The following ADAMTS18 variants were observed in gnomAD, a reference collection of about 807,000 sequenced individuals.
ADAMTS18 encodes ADAM metallopeptidase with thrombospondin type 1 motif 18.
A neutral mutation model predicts 165.9 loss-of-function variants in ADAMTS18; 157 were observed. The observed-to-expected ratio is 0.95, with a 90% CI of 0.83 to 1.08. The LOEUF is 1.08. ADAMTS18 is among the 50% of genes least tolerant of loss of function. The pLI, the probability that ADAMTS18 is intolerant of heterozygous loss-of-function variation, is 0.00. For missense variants in ADAMTS18, 2,040 were observed against 1,534.0 expected (o/e 1.33, Z -5.51); for synonymous variants, 782 against 578.2 (o/e 1.35, Z -5.06).
intron 12 of ADAMTS18, among the ~76,000 whole-genome samples, chr16:77,333,514 T>G (rs990380875): frequency 7.8e-4 from 113 of 145,220 alleles, no homozygotes; most frequent in Non-Finnish European, 1.3e-3. Flanking sequence ...AATAAAACAG[T>G]GTGTTCTGTT....
At chr16:77,327,416 ATG>A (rs1301100026) in intron 12 of ADAMTS18, among the ~76,000 whole-genome samples, 1 of 152,258 alleles carries the variant, frequency 6.6e-6, no homozygotes, top group East Asian at 1.9e-4. Flanking sequence ...CCACATATGA[ATG>A]AGAACATACA....
intron 11 of ADAMTS18, among the ~76,000 whole-genome samples, chr16:77,338,535 G>A (rs1411346992): frequency 6.6e-6 from 1 of 151,928 alleles, no homozygotes; most frequent in Non-Finnish European, 1.5e-5. Context: ...CCACGTCCAG[G>A]CCCAGCATAC....
chr16:77,290,806 T>C (rs2055347192), intron 21 of ADAMTS18: 1 of 186,274 alleles, frequency 5.4e-6, no homozygotes, highest in Non-Finnish European at 1.1e-5. Flanking sequence ...TTAGGGACCA[T>C]ACTACCCCTG....
chr16:77,307,357 A>G (rs2055700038), intron 16 of ADAMTS18, among the ~76,000 whole-genome samples: 1 of 152,186 alleles, frequency 6.6e-6, no homozygotes, highest in African/African-American at 2.4e-5. Flanking sequence ...ATGACCAGGT[A>G]TCATCATTGC....
At position 77,300,369 on chromosome 16, in the gene ADAMTS18, C is replaced by T; in HGVS notation, c.2568G>A (p.Trp856Ter). Residue 856 changes from tryptophan to a stop codon, truncating the protein, a stop_gained, in exon 17 of 23, where the codon TGG becomes TGA. Transcript: ENST00000282849. LOFTEE classifies it high-confidence loss of function. ...LMQGKNPGIA[W>*]KYALPKVMNG... ...TCATGACCTTGGGAAGTGCATACTT[C>T]CAAGCTATCCCTGGATTTTTGCCTT... The T allele has an allele frequency of 1.2e-6, 2 of 1,613,990 alleles. No individual in the cohort carries two copies. Among genetic ancestry groups the T allele is most frequent in the Non-Finnish European group, 1.7e-6 (2 of 1,179,968 alleles).
intron 18 of ADAMTS18, among the ~76,000 whole-genome samples, chr16:77,296,648 C>G (rs557432616): frequency 1.2e-4 from 18 of 152,232 alleles, no homozygotes; most frequent in African/African-American, 4.3e-4. Context: ...GGCAAAACCC[C>G]GTCTCTACTA....
At chr16:77,407,737 G>T (rs1037950063) in intron 3 of ADAMTS18, among the ~76,000 whole-genome samples, 11 of 152,060 alleles carry the variant, frequency 7.2e-5, no homozygotes, top group Non-Finnish European at 1.2e-4. Flanking sequence ...TTTCCAATTG[G>T]GAGAAAATGG....
chr16:77,301,340 G>A (rs990245723), intron 16 of ADAMTS18, among the ~76,000 whole-genome samples: 2 of 151,548 alleles, frequency 1.3e-5, no homozygotes, highest in African/African-American at 2.4e-5. Context: ...TAGGGACTGA[G>A]CTTAAGTAAA....
At chr16:77,335,178 G>A (rs1329380986) in intron 12 of ADAMTS18, among the ~76,000 whole-genome samples, 1 of 150,454 alleles carries the variant, frequency 6.6e-6, no homozygotes, top group Non-Finnish European at 1.5e-5. Context: ...CCTGTTATTT[G>A]CAGCAACATG....
In ADAMTS18 at chr16:77,403,677, T is replaced by C. The variant is rs1286350044; in HGVS notation, c.495+27618A>G. Among the ~76,000 whole-genome samples the C allele has an allele frequency of 3.9e-5, 6 of 152,290 alleles. No homozygotes were observed. In the East Asian group the frequency reaches 7.7e-4, roughly 20 times the overall value. ...TGTGTCTCAGCCAGTTTACTATCTGTTAGGGGAGACTGAGTCATTCATTCA... is the reference window on the plus strand; with the variant it reads ...TGTGTCTCAGCCAGTTTACTATCTGCTAGGGGAGACTGAGTCATTCATTCA... On this transcript the variant is annotated intron_variant, in intron 3 of 22. Transcript: ENST00000282849.
chr16:77,287,931 C>A (rs754310753), intron 22 of ADAMTS18, among the ~76,000 whole-genome samples: 1 of 152,128 alleles, frequency 6.6e-6, no homozygotes, highest in African/African-American at 2.4e-5. Context: ...AAGAATAGGA[C>A]CCAGCTGTAT....
chr16:77,289,161 C>T, intron 22 of ADAMTS18, 103 bp downstream of exon 22: 2 of 1,459,332 alleles, frequency 1.4e-6, no homozygotes, highest in Middle Eastern at 1.8e-4. Flanking sequence ...GAATGGCTTA[C>T]CCTAGAGTTG....
At chr16:77,354,908 C>T (rs566947975) in intron 9 of ADAMTS18, among the ~76,000 whole-genome samples, 17 of 152,088 alleles carry the variant, frequency 1.1e-4, no homozygotes, top group Non-Finnish European at 2.9e-5. Context: ...AGTCACCAAA[C>T]CATGAATTTA....
At chr16:77,330,093 T>A (rs1405704957) in intron 12 of ADAMTS18, among the ~76,000 whole-genome samples, 2 of 152,112 alleles carry the variant, frequency 1.3e-5, no homozygotes, top group Admixed American at 1.3e-4. Flanking sequence ...TCAGTATTTT[T>A]AAAAACACAC....
intron 16 of ADAMTS18, among the ~76,000 whole-genome samples, chr16:77,303,968 T>G (rs373432931): frequency 2.0e-5 from 3 of 151,946 alleles, no homozygotes; most frequent in East Asian, 3.9e-4. Context: ...AGGCGGAGCT[T>G]GCAGTGAGCC....
chr16:77,386,030 A>G (rs1015505072), intron 3 of ADAMTS18, among the ~76,000 whole-genome samples: 10 of 152,188 alleles, frequency 6.6e-5, no homozygotes, highest in African/African-American at 2.2e-4. Context: ...TAGTTTTCCT[A>G]TCTATTTGAT....
intron 10 of ADAMTS18, among the ~76,000 whole-genome samples, chr16:77,347,272 C>G (rs1008394624): frequency 3.3e-5 from 5 of 152,280 alleles, no homozygotes; most frequent in Middle Eastern, 3.4e-3. Context: ...CTTGGACAAG[C>G]CTTTTTATGA....
chr16:77,286,502 A>G (rs955230364), intron 22 of ADAMTS18, among the ~76,000 whole-genome samples: 1 of 152,190 alleles, frequency 6.6e-6, no homozygotes, highest in East Asian at 1.9e-4. Context: ...TTAATACTCA[A>G]AACAGTCTTT....
intron 16 of ADAMTS18, among the ~76,000 whole-genome samples, chr16:77,316,187 A>G (rs1383843588): frequency 6.6e-6 from 1 of 152,152 alleles, no homozygotes; most frequent in East Asian, 1.9e-4. Context: ...CTGGAATTCA[A>G]GAACCATTTT....
Sources: gnomAD v4.1 joint callset for allele counts (sites outside exome capture counted in the v4.1 genomes callset) on GRCh38, gnomAD v4.1.1 for gene constraint, MANE v1.5 for transcripts, NCBI Gene and HGNC (gene_info 2026-07-23, HGNC 2026-07-21) for gene names.